EGFLAM: variants seen among roughly 807,000 people sequenced by gnomAD.
EGFLAM encodes EGF like, fibronectin type III and laminin G domains.
EGFLAM carries 79 observed loss-of-function variants against 113.1 expected under a neutral mutation model. The ratio of observed to expected loss-of-function variants is 0.70; its 90% confidence interval spans 0.58 to 0.84. The LOEUF (loss-of-function observed/expected upper bound fraction) is 0.84. Among genes scored for constraint, EGFLAM ranks in the 40% least tolerant of loss-of-function variants. The pLI, the probability that EGFLAM is intolerant of heterozygous loss-of-function variation, is 0.00. For synonymous variants in EGFLAM, 504 were observed against 487.6 expected (o/e 1.03, Z -0.44); for missense variants, 1,265 against 1,291.6 (o/e 0.98, Z 0.32).
intron 1 of EGFLAM, among the ~76,000 whole-genome samples, chr5:38,288,861 T>C (rs538474317): frequency 4.0e-4 from 61 of 152,244 alleles, no homozygotes; most frequent in African/African-American, 1.4e-3. Context: ...AATATTGGGG[T>C]GGTTTTGAGT....
intron 10 of EGFLAM, among the ~76,000 whole-genome samples, chr5:38,409,992 A>G (rs1040035306): frequency 9.9e-5 from 15 of 152,042 alleles, no homozygotes; most frequent in Non-Finnish European, 1.5e-5. Flanking sequence ...CTGACATCCT[A>G]ATGGCACCAA....
chr5:38,398,529 A>G (rs1020006718), intron 6 of EGFLAM, among the ~76,000 whole-genome samples: 6 of 152,258 alleles, frequency 3.9e-5, no homozygotes, highest in Non-Finnish European at 8.8e-5. Context: ...CAGAAATATA[A>G]AAGAATTAAA....
At chr5:38,322,389 G>T (rs902722690) in intron 1 of EGFLAM, among the ~76,000 whole-genome samples, 1 of 152,140 alleles carries the variant, frequency 6.6e-6, no homozygotes, top group Non-Finnish European at 1.5e-5. Flanking sequence ...TTTGGCTTGG[G>T]ACTCCACACT....
chr5:38,339,026 T>C (rs896885306), intron 3 of EGFLAM, among the ~76,000 whole-genome samples: 1 of 152,204 alleles, frequency 6.6e-6, no homozygotes, highest in African/African-American at 2.4e-5. Context: ...CAACCCCATT[T>C]TATCATGCAA....
chr5:38,417,887 C>A (rs190035400), intron 11 of EGFLAM, among the ~76,000 whole-genome samples, 179 bp from the exon 12 acceptor site: 1 of 152,294 alleles, frequency 6.6e-6, no homozygotes, highest in East Asian at 1.9e-4. Flanking sequence ...CACTGAGCTC[C>A]CTACGGTAAT....
intron 6 of EGFLAM, among the ~76,000 whole-genome samples, chr5:38,398,882 T>C (rs1741030272): frequency 1.3e-5 from 2 of 152,248 alleles, no homozygotes; most frequent in Non-Finnish European, 2.9e-5. Context: ...CTTATTCTGG[T>C]GGGTATTAGG....
At chr5:38,320,564 G>A (rs1053275467) in intron 1 of EGFLAM, among the ~76,000 whole-genome samples, 2 of 152,084 alleles carry the variant, frequency 1.3e-5, no homozygotes, top group Admixed American at 6.6e-5. Context: ...GAGGTGGGAG[G>A]ATGTGTGTGT....
chr5:38,323,697 A>G (rs1738798396), intron 1 of EGFLAM, among the ~76,000 whole-genome samples: 2 of 152,056 alleles, frequency 1.3e-5, no homozygotes, highest in Admixed American at 1.3e-4. Flanking sequence ...TATGTAACAG[A>G]TAAGATCCCA....
chr5:38,303,129 C>T lies in EGFLAM; in HGVS notation c.98-34391C>T, dbSNP rs182282489. ...TATACCCATTGTCCTTGGGATTTACCCAGCACACTCTTTAAAGGACTTCAT... is the reference window on the plus strand; with the variant it reads ...TATACCCATTGTCCTTGGGATTTACTCAGCACACTCTTTAAAGGACTTCAT... On this transcript the variant is annotated intron_variant, in intron 1 of 21. Transcript: ENST00000322350. 9.9e-5 allele frequency among the ~76,000 whole-genome samples: 15 copies of T among 152,066 alleles called. 1 individual carries two copies. Among genetic ancestry groups the T allele is most frequent in the Admixed American group, 7.9e-4 (12 of 15,274 alleles).
chr5:38,448,761 C>T (rs11743442), intron 18 of EGFLAM, among the ~76,000 whole-genome samples: 5,648 of 152,272 alleles, frequency 0.037, 156 homozygotes, highest in Non-Finnish European at 0.057. Context: ...AGGGCAGTTC[C>T]GTGCTGTGCC....
chr5:38,421,480 TA>T (rs1741821303), intron 12 of EGFLAM, among the ~76,000 whole-genome samples: 1 of 152,232 alleles, frequency 6.6e-6, no homozygotes, highest in Admixed American at 6.5e-5. Flanking sequence ...TGGGTCTCAC[TA>T]TGGCTTACGA....
chr5:38,353,189 A>G (rs7730657), intron 5 of EGFLAM, among the ~76,000 whole-genome samples: 18,200 of 152,266 alleles, frequency 0.12, 1,604 homozygotes, highest in African/African-American at 0.25. Context: ...TACAGATATT[A>G]AAGCATTGAT....
intron 1 of EGFLAM, among the ~76,000 whole-genome samples, chr5:38,269,971 A>G (rs1036290205): frequency 3.3e-5 from 5 of 152,138 alleles, no homozygotes; most frequent in African/African-American, 1.2e-4. Context: ...TCTGCAGCTA[A>G]TGGATAAGAG....
At chr5:38,276,854 C>T (rs1230785573) in intron 1 of EGFLAM, among the ~76,000 whole-genome samples, 1 of 151,948 alleles carries the variant, frequency 6.6e-6, no homozygotes, top group Admixed American at 6.6e-5. Flanking sequence ...CCTATCAAGA[C>T]TAAATTATGA....
At chr5:38,314,690 G>T (rs1413497969) in intron 1 of EGFLAM, among the ~76,000 whole-genome samples, 1 of 152,194 alleles carries the variant, frequency 6.6e-6, no homozygotes, top group Admixed American at 6.5e-5. Flanking sequence ...CCACCCAAAA[G>T]ACATGGTGTT....
intron 1 of EGFLAM, among the ~76,000 whole-genome samples, chr5:38,328,720 CTTGTT>C (rs775949786): frequency 2.4e-4 from 18 of 75,316 alleles, no homozygotes; most frequent in East Asian, 7.6e-4. Flanking sequence ...ACTAGCTATA[CTTGTT>C]TTTTTTTTTT....
At chr5:38,318,280 A>ATAGTATACTATAGTATACTATCTAG in intron 1 of EGFLAM, among the ~76,000 whole-genome samples, 1 of 151,580 alleles carries the variant, frequency 6.6e-6, no homozygotes, top group African/African-American at 2.4e-5. Context: ...ATACTATCTA[A>ATAGTATACTATAGTATACTATCTAG]CTATAGTATA....
chr5:38,448,176 G>C (rs1561100173), intron 17 of EGFLAM, 125 bp from the exon 18 acceptor site: 5 of 1,051,390 alleles, frequency 4.8e-6, no homozygotes, highest in Non-Finnish European at 5.8e-6. Context: ...GCAGCCGAAG[G>C]GAAGGGGCTG....
intron 1 of EGFLAM, 126 bp downstream of exon 1, chr5:38,258,977 G>C: frequency 3.8e-6 from 4 of 1,058,350 alleles, no homozygotes; most frequent in Non-Finnish European, 5.3e-6. Context: ...ACTCGCTTCA[G>C]CTCTGCCAGG....
Sources: allele counts gnomAD v4.1 joint callset (sites outside exome capture counted in the v4.1 genomes callset), GRCh38; gene constraint gnomAD v4.1.1; transcripts MANE v1.5; gene names NCBI Gene and HGNC (gene_info 2026-07-23, HGNC 2026-07-21).